The following TMTC2 variants were observed in gnomAD, a reference collection of about 807,000 sequenced individuals.
The protein encoded by TMTC2 is protein O-mannosyl-transferase TMTC2.
A neutral mutation model predicts 82.4 loss-of-function variants in TMTC2; 43 were observed. The observed-to-expected ratio is 0.52, with a 90% confidence interval of 0.41 to 0.67. The LOEUF (loss-of-function observed/expected upper bound fraction) is 0.67. Ranked by LOEUF, TMTC2 falls within the 30% of genes least tolerant of loss-of-function variation. The pLI, the probability that TMTC2 is intolerant of heterozygous loss-of-function variation, is 0.00. For synonymous variants in TMTC2, 408 were observed against 381.9 expected (o/e 1.07, Z -0.80); for missense variants, 919 against 1,012.4 (o/e 0.91, Z 1.25).
chr12:82,730,106 G>T (rs572419205), intron 1 of TMTC2, among the ~76,000 whole-genome samples: 1 of 152,192 alleles, frequency 6.6e-6, no homozygotes, highest in African/African-American at 2.4e-5. Flanking sequence ...GCGAGGGTCT[G>T]TGGCTTCATT....
intron 2 of TMTC2, among the ~76,000 whole-genome samples, chr12:82,886,138 G>T (rs1400370359): frequency 6.6e-6 from 1 of 152,044 alleles, no homozygotes; most frequent in Non-Finnish European, 1.5e-5. Context: ...CTTTAAGTGG[G>T]TTCCTGTGTC....
chr12:83,024,289 C>T (rs371672346), intron 8 of TMTC2, among the ~76,000 whole-genome samples: 2 of 151,970 alleles, frequency 1.3e-5, no homozygotes, highest in Non-Finnish European at 2.9e-5. Context: ...AATAATGTTC[C>T]TTTTATTTGT....
intron 3 of TMTC2, among the ~76,000 whole-genome samples, chr12:82,921,865 A>G (rs2137229375): frequency 6.6e-6 from 1 of 152,016 alleles, no homozygotes; most frequent in African/African-American, 2.4e-5. Context: ...TGCAAGATCA[A>G]GGTGGGAGGA....
At chr12:82,949,973 A>T (rs1282063678) in intron 4 of TMTC2, among the ~76,000 whole-genome samples, 1 of 152,220 alleles carries the variant, frequency 6.6e-6, no homozygotes, top group Non-Finnish European at 1.5e-5. Flanking sequence ...CAAGATGCTT[A>T]CATGTTGGGA....
intron 11 of TMTC2, among the ~76,000 whole-genome samples, chr12:83,087,031 G>A (rs1174534401): frequency 1.3e-5 from 2 of 152,170 alleles, no homozygotes; most frequent in African/African-American, 4.8e-5. Context: ...TTTACCAACA[G>A]TAGAACTTCA....
In TMTC2 at chr12:82,849,863, T is replaced by TTTCACCCTCAGGCTGACCCTGTC. The variant is rs552902872; in HGVS notation, c.84-7142_84-7120dup. 2.6e-4 allele frequency among the ~76,000 whole-genome samples: 39 copies of TTTCACCCTCAGGCTGACCCTGTC among 152,210 alleles called. 1 individual carries two copies. The highest frequency in any genetic ancestry group is 9.4e-4 in the African/African-American group (39 of 41,502). On this transcript the variant is annotated intron_variant, in intron 1 of 11. Transcript: ENST00000321196. The stretch of plus-strand genomic sequence containing the variant: ...CTTGATTTTGGTTCTTTTATTTTGG[T>TTTCACCCTCAGGCTGACCCTGTC]TTCACCCTCAGGCTGACCCTGTCTT...
At chr12:82,844,523 C>T (rs1016375717) in intron 1 of TMTC2, among the ~76,000 whole-genome samples, 10 of 152,054 alleles carry the variant, frequency 6.6e-5, no homozygotes, top group African/African-American at 1.4e-4. Flanking sequence ...GTGTTCCAGC[C>T]GGGCGCAGTG....
chr12:82,882,093 G>A (rs2137156735), intron 2 of TMTC2, among the ~76,000 whole-genome samples: 1 of 138,486 alleles, frequency 7.2e-6, no homozygotes, highest in South Asian at 2.3e-4. Flanking sequence ...TCCGCCTCCC[G>A]GGTTCACGCC....
At chr12:83,119,823 G>C (rs1217377618) in intron 11 of TMTC2, among the ~76,000 whole-genome samples, 4 of 152,182 alleles carry the variant, frequency 2.6e-5, no homozygotes, top group Non-Finnish European at 2.9e-5. Context: ...GGGAGCTCCA[G>C]TGTAAGTGCA....
chr12:82,841,547 T>G (rs980272678), intron 1 of TMTC2, among the ~76,000 whole-genome samples: 2 of 152,202 alleles, frequency 1.3e-5, no homozygotes, highest in Non-Finnish European at 2.9e-5. Flanking sequence ...CATATCCGTG[T>G]GTCCGAAAAA....
At chr12:83,051,313 G>A (rs1305800759) in intron 10 of TMTC2, among the ~76,000 whole-genome samples, 15 of 150,686 alleles carry the variant, frequency 1.0e-4, no homozygotes, top group Non-Finnish European at 2.1e-4. Flanking sequence ...TTTTTTTTAA[G>A]CTCATCAGCT....
chr12:82,918,509 G>T (rs766674197), intron 3 of TMTC2, among the ~76,000 whole-genome samples: 2 of 152,068 alleles, frequency 1.3e-5, no homozygotes, highest in African/African-American at 2.4e-5. Context: ...AAATTTGTAA[G>T]GTTTAAAATG....
chr12:83,034,494 A>C (rs1176262753), intron 9 of TMTC2, among the ~76,000 whole-genome samples: 1 of 152,326 alleles, frequency 6.6e-6, no homozygotes, highest in Non-Finnish European at 1.5e-5. Flanking sequence ...TTTGCATTGT[A>C]TTCTGAGTGT....
chr12:82,778,830 C>T (rs1877734426), intron 1 of TMTC2, among the ~76,000 whole-genome samples: 1 of 102,338 alleles, frequency 9.8e-6, no homozygotes, highest in Non-Finnish European at 1.7e-5. Context: ...GCCTAGGCGA[C>T]AGAGCGAGAC....
intron 1 of TMTC2, among the ~76,000 whole-genome samples, chr12:82,785,417 A>C (rs1878135315): frequency 1.4e-5 from 2 of 143,734 alleles, no homozygotes; most frequent in African/African-American, 2.5e-5. Context: ...CAAACCAGGG[A>C]ATATTATTAG....
chr12:82,964,970 G>T (rs971525099), intron 4 of TMTC2, 54 bp from the exon 5 acceptor site: 7 of 1,314,284 alleles, frequency 5.3e-6, no homozygotes, highest in Non-Finnish European at 6.3e-6. Context: ...AAAATTTGTG[G>T]TTTTATATAT....
At chr12:82,846,768 T>G (rs1870706028) in intron 1 of TMTC2, among the ~76,000 whole-genome samples, 1 of 152,128 alleles carries the variant, frequency 6.6e-6, no homozygotes, top group Non-Finnish European at 1.5e-5. Flanking sequence ...GTATTCTCTT[T>G]TCATTCAACA....
intron 7 of TMTC2, among the ~76,000 whole-genome samples, chr12:82,970,377 TGC>T (rs566584675): frequency 3.1e-3 from 479 of 152,324 alleles, no homozygotes; most frequent in African/African-American, 0.01. Flanking sequence ...CAGGCGGGAC[TGC>T]GGACTGCAGT....
chr12:82,975,153 G>T (rs2137319129), intron 7 of TMTC2, among the ~76,000 whole-genome samples: 1 of 152,248 alleles, frequency 6.6e-6, no homozygotes, highest in East Asian at 1.9e-4. Context: ...AAAGCATTTA[G>T]CATGCCAAAG....
Sources: allele counts gnomAD v4.1 joint callset (sites outside exome capture counted in the v4.1 genomes callset), GRCh38; gene constraint gnomAD v4.1.1; transcripts MANE v1.5; gene names NCBI Gene and HGNC (gene_info 2026-07-23, HGNC 2026-07-21).